RFX3: variants seen among roughly 807,000 people sequenced by gnomAD.
RFX3 encodes the protein regulatory factor X3.
Under a neutral mutation model 98.6 loss-of-function variants are expected in RFX3, and 14 were observed. That is an observed-to-expected ratio of 0.14 (90% CI 0.09 to 0.22). The LOEUF (loss-of-function observed/expected upper bound fraction) is 0.22. RFX3 is among the 10% of genes least tolerant of loss of function. RFX3 has a pLI of 1.00. For synonymous variants in RFX3, 383 were observed against 328.4 expected (o/e 1.17, Z -1.80); for missense variants, 639 against 926.9 (o/e 0.69, Z 4.03).
At chr9:3,311,799 G>C in intron 4 of RFX3, among the ~76,000 whole-genome samples, 1 of 152,038 alleles carries the variant, frequency 6.6e-6, no homozygotes, top group South Asian at 2.1e-4. Flanking sequence ...CAGGACAATC[G>C]CTTGAATCTG....
At chr9:3,409,024 T>C (rs996919912) in intron 1 of RFX3, among the ~76,000 whole-genome samples, 1 of 152,248 alleles carries the variant, frequency 6.6e-6, no homozygotes, top group Non-Finnish European at 1.5e-5. Flanking sequence ...AAGAATCTTT[T>C]AAGAATTCTC....
At chr9:3,342,113 T>C (rs1176584427) in intron 3 of RFX3, among the ~76,000 whole-genome samples, 1 of 152,216 alleles carries the variant, frequency 6.6e-6, no homozygotes, top group Non-Finnish European at 1.5e-5. Flanking sequence ...AAGAGATGAC[T>C]ATAGGTATAG....
At chr9:3,274,437 C>CT (rs1824931764) in intron 9 of RFX3, among the ~76,000 whole-genome samples, 1 of 152,122 alleles carries the variant, frequency 6.6e-6, no homozygotes, top group Non-Finnish European at 1.5e-5. Flanking sequence ...CAAGAAAACT[C>CT]TTACTATAAT....
At chr9:3,296,687 G>A (rs1236037891) in intron 5 of RFX3, among the ~76,000 whole-genome samples, 1 of 152,090 alleles carries the variant, frequency 6.6e-6, no homozygotes, top group African/African-American at 2.4e-5. Flanking sequence ...AGGAGGAACT[G>A]TATTCCTTGC....
intron 2 of RFX3, among the ~76,000 whole-genome samples, chr9:3,369,087 C>T (rs1837523782): frequency 6.6e-6 from 1 of 152,114 alleles, no homozygotes; most frequent in Non-Finnish European, 1.5e-5. Context: ...ATCACAAAGG[C>T]AAATAGCACA....
In RFX3 at chr9:3,524,831, A is replaced by ACACACG. The variant is rs1387315063; in HGVS notation, c.-9+915_-9+916insCGTGTG. 3.8e-4 allele frequency among the ~76,000 whole-genome samples: 3 copies of ACACACG among 7,918 alleles called. No individual in the cohort carries two copies. In the African/African-American group the frequency reaches 6.2e-3, roughly 16 times the overall value. 5.2% of individuals were successfully genotyped at this position (7,918 alleles called of 152,430 possible). On this transcript the variant is annotated intron_variant, in intron 1 of 16. Coordinates refer to ENST00000617270, the MANE Select transcript of RFX3 (RefSeq NM_001282116.2). ...TGCATCCGGTTTAAATCACAAGCAC[A>ACACACG]CACACACACACACACACACACACAC...
Position 3,373,148 on chromosome 9 carries a change from T to C in RFX3, c.117+22324A>G, listed in dbSNP as rs1838051369. 2.0e-5 allele frequency among the ~76,000 whole-genome samples: 3 copies of C among 152,122 alleles called. 1 individual carries two copies. Among genetic ancestry groups the C allele is most frequent in the Admixed American group, 1.3e-4 (2 of 15,274 alleles). On this transcript the variant is annotated intron_variant, in intron 2 of 16. Transcript: ENST00000617270. ...AGGTATGGGGGAAGACTAGCAAATA[T>C]TCATGAGGCTTTATAGATACTCTGC...
At chr9:3,519,641 A>G (rs1434081524) in intron 1 of RFX3, among the ~76,000 whole-genome samples, 2 of 152,196 alleles carry the variant, frequency 1.3e-5, no homozygotes, top group African/African-American at 2.4e-5. Context: ...AGTGAAGGTA[A>G]TAACTTGTCC....
intron 1 of RFX3, among the ~76,000 whole-genome samples, chr9:3,494,232 T>G (rs753836786): frequency 1.3e-5 from 2 of 152,138 alleles, no homozygotes; most frequent in East Asian, 3.9e-4. Context: ...TTGCATAGAC[T>G]CTGGTGTTAA....
rs77400925 is a variant in RFX3 at position 3,248,871 on chromosome 9, C to T, written c.1815-686G>A. Among the ~76,000 whole-genome samples the T allele has an allele frequency of 5.0e-3, 765 of 151,888 alleles. 2 individuals carry two copies. The highest frequency in any genetic ancestry group is 0.017 in the African/African-American group (714 of 41,422). On this transcript the variant is annotated intron_variant, in intron 14 of 16. Transcript: ENST00000617270. The stretch of plus-strand genomic sequence containing the variant: ...ATGCAAACATTTAAAGTATATAATA[C>T]GAAAATATAAGCAATATTTATAAAA...
At chr9:3,421,948 T>A (rs117827468) in intron 1 of RFX3, among the ~76,000 whole-genome samples, 3,143 of 152,052 alleles carry the variant, frequency 0.021, 56 homozygotes, top group Non-Finnish European at 0.03. Context: ...AGCCAGAGAC[T>A]GTGCTCTTCT....
chr9:3,403,902 A>T (rs1841712392), intron 1 of RFX3, among the ~76,000 whole-genome samples: 1 of 152,108 alleles, frequency 6.6e-6, no homozygotes, highest in South Asian at 2.1e-4. Flanking sequence ...CACATCAGAA[A>T]AGACTCCAAT....
chr9:3,300,188 T>C (rs1007598496), intron 5 of RFX3, among the ~76,000 whole-genome samples: 1 of 151,706 alleles, frequency 6.6e-6, no homozygotes, highest in Non-Finnish European at 1.5e-5. Flanking sequence ...GGAATATACT[T>C]ACGAAACATA....
chr9:3,468,181 C>T (rs556862511), intron 1 of RFX3, among the ~76,000 whole-genome samples: 2 of 152,240 alleles, frequency 1.3e-5, no homozygotes, highest in South Asian at 4.1e-4. Flanking sequence ...TACTCGGCTT[C>T]TTCAAATACA....
chr9:3,310,012 G>C (rs183618382), intron 4 of RFX3, among the ~76,000 whole-genome samples: 1 of 152,170 alleles, frequency 6.6e-6, no homozygotes, highest in African/African-American at 2.4e-5. Flanking sequence ...TTGTGTGACC[G>C]TCTTTTAGAG....
Position 3,330,522 on chromosome 9 carries a change from A to AG in RFX3, c.216-6dup, listed in dbSNP as rs1554667562. The AG allele has an allele frequency of 1.3e-6, 2 of 1,588,042 alleles. No individual in the cohort carries two copies. The highest frequency in any genetic ancestry group is 1.7e-6 in the Non-Finnish European group (2 of 1,164,872). On this transcript the variant is annotated splice_polypyrimidine_tract_variant and splice_region_variant and intron_variant, in intron 3 of 16. Transcript: ENST00000617270. The stretch of plus-strand genomic sequence containing the variant: ...TAAGGATACGTTGTTGTTCGGCTTT[A>AG]GAAGAAGAAGAAAAAAGAAATTTAC...
chr9:3,357,695 G>A (rs1040878925), intron 2 of RFX3, among the ~76,000 whole-genome samples: 3 of 152,058 alleles, frequency 2.0e-5, no homozygotes, highest in African/African-American at 7.2e-5. Flanking sequence ...TAGGGAAATT[G>A]TAGTTAACAA....
At chr9:3,293,823 A>C (rs1441511109) in intron 5 of RFX3, among the ~76,000 whole-genome samples, 1 of 152,220 alleles carries the variant, frequency 6.6e-6, no homozygotes, top group Non-Finnish European at 1.5e-5. Flanking sequence ...AAAAGACAAA[A>C]TTCAGTCGTT....
chr9:3,465,371 A>G (rs1259271666), intron 1 of RFX3, among the ~76,000 whole-genome samples: 1 of 150,060 alleles, frequency 6.7e-6, no homozygotes, highest in Non-Finnish European at 1.5e-5. Context: ...GCTCACCACA[A>G]CCTCCACCTC....
Sources: allele counts gnomAD v4.1 joint callset (sites outside exome capture counted in the v4.1 genomes callset), GRCh38; gene constraint gnomAD v4.1.1; transcripts MANE v1.5; gene names NCBI Gene and HGNC (gene_info 2026-07-23, HGNC 2026-07-21).